The following SYNE1 variants were observed in gnomAD, a reference collection of about 807,000 sequenced individuals.
The protein encoded by SYNE1 is nesprin-1.
Under a neutral mutation model 1,111.0 loss-of-function variants are expected in SYNE1, and 616 were observed. That is an observed-to-expected ratio of 0.55 (90% CI 0.52 to 0.59). SYNE1 has a LOEUF of 0.59. SYNE1 is among the 20% of genes least tolerant of loss of function. The pLI, the probability that SYNE1 is intolerant of heterozygous loss-of-function variation, is 0.00. For synonymous variants in SYNE1, 3,855 were observed against 3,825.8 expected (o/e 1.01, Z -0.28); for missense variants, 10,006 against 10,417.0 (o/e 0.96, Z 1.72).
At chr6:152,350,511 A>T in intron 71 of SYNE1, 107 bp downstream of exon 71, 3 of 1,533,048 alleles carry the variant, frequency 2.0e-6, no homozygotes, top group Middle Eastern at 1.7e-4. Context: ...GAATAAAAAA[A>T]AATACTAACC....
intron 96 of SYNE1, among the ~76,000 whole-genome samples, chr6:152,283,050 G>A (rs562046689): frequency 6.6e-6 from 1 of 152,238 alleles, no homozygotes; most frequent in Admixed American, 6.5e-5. Context: ...ATACTGTAAA[G>A]GTCTTTAGGG....
intron 127 of SYNE1, among the ~76,000 whole-genome samples, chr6:152,197,665 T>A (rs959068369): frequency 6.6e-6 from 1 of 152,200 alleles, no homozygotes; most frequent in Non-Finnish European, 1.5e-5. Context: ...AAGCCTTTTT[T>A]TTCTGAGCAG....
intron 11 of SYNE1, among the ~76,000 whole-genome samples, chr6:152,493,521 T>C (rs1197471990): frequency 2.6e-5 from 4 of 152,258 alleles, no homozygotes; most frequent in East Asian, 3.9e-4. Flanking sequence ...TTCTCATACT[T>C]TACTTTCTTT....
At chr6:152,603,858 TATAG>T (rs1367306469) in intron 3 of SYNE1, among the ~76,000 whole-genome samples, 4 of 111,018 alleles carry the variant, frequency 3.6e-5, no homozygotes, top group Admixed American at 2.6e-4. Context: ...TATATGTATA[TATAG>T]ATAGATATAC....
intron 63 of SYNE1, among the ~76,000 whole-genome samples, chr6:152,363,458 C>T (rs1280006986): frequency 6.6e-6 from 1 of 150,802 alleles, no homozygotes; most frequent in Non-Finnish European, 1.5e-5. Flanking sequence ...CGTGCCACTG[C>T]ACTGGAGCCT....
intron 3 of SYNE1, among the ~76,000 whole-genome samples, chr6:152,615,202 C>G (rs2099642466): frequency 6.6e-6 from 1 of 152,088 alleles, no homozygotes; most frequent in African/African-American, 2.4e-5. Flanking sequence ...TTAAGTGTCA[C>G]CTAGGAAGCT....
At chr6:152,623,660 T>G (rs2099680213) in intron 3 of SYNE1, among the ~76,000 whole-genome samples, 1 of 152,024 alleles carries the variant, frequency 6.6e-6, no homozygotes, top group African/African-American at 2.4e-5. Context: ...ATAAGGAACT[T>G]AAATTTACAA....
chr6:152,402,145 C>G (rs1433624451), intron 46 of SYNE1, among the ~76,000 whole-genome samples: 1 of 152,130 alleles, frequency 6.6e-6, no homozygotes, highest in African/African-American at 2.4e-5. Flanking sequence ...GTGAGGCATT[C>G]TGACTCACTG....
At position 152,614,076 on chromosome 6, in the gene SYNE1, G is replaced by A. The variant is rs2099639357; in HGVS notation, c.67+14189C>T. On this transcript the variant is annotated intron_variant, in intron 3 of 145. Coordinates refer to ENST00000367255, the MANE Select transcript of SYNE1 (RefSeq NM_182961.4). ...AATACCATTCAGGACATAGGCATGG[G>A]CAAGGACTTCATGACTAAAACACCA... Among the ~76,000 whole-genome samples, 3 of 152,154 alleles carry A rather than the reference G, an allele frequency of 2.0e-5. No homozygotes were observed. In the South Asian group the frequency reaches 6.2e-4, roughly 32 times the overall value.
At chr6:152,298,897 C>T (rs922442008) in intron 93 of SYNE1, among the ~76,000 whole-genome samples, 4 of 152,132 alleles carry the variant, frequency 2.6e-5, no homozygotes, top group Non-Finnish European at 4.4e-5. Flanking sequence ...GTGTCTTAAT[C>T]TAAGTAAAGG....
intron 127 of SYNE1, among the ~76,000 whole-genome samples, chr6:152,190,386 C>G (rs2071894406): frequency 6.6e-6 from 1 of 152,212 alleles, no homozygotes; most frequent in South Asian, 2.1e-4. Context: ...TTCTTCCAAA[C>G]ACATGTTAAT....
At position 152,130,793 on chromosome 6, in the gene SYNE1, CA is replaced by C. The variant is rs2055358353; in HGVS notation, c.26095-16del. 1 of 1,613,958 alleles carries C rather than the reference CA, an allele frequency of 6.2e-7. No homozygotes were observed. Among genetic ancestry groups the C allele is most frequent in the Middle Eastern group, 1.6e-4 (1 of 6,062 alleles). On this transcript the variant is annotated splice_polypyrimidine_tract_variant and intron_variant, in intron 144 of 145. Coordinates refer to ENST00000367255, the MANE Select transcript of SYNE1 (RefSeq NM_182961.4). ...TTGCCTCGTGGCTGTTTGCAATGAA[CA>C]GGGGGTAAAGAAAGAAGAATGTTCA...
intron 6 of SYNE1, among the ~76,000 whole-genome samples, chr6:152,518,318 C>T (rs2099122655): frequency 6.6e-6 from 1 of 151,594 alleles, no homozygotes; most frequent in South Asian, 2.1e-4. Flanking sequence ...TGGTGGGAAG[C>T]GATTGAACAG....
At chr6:152,234,387 C>T (rs567722411) in intron 111 of SYNE1, among the ~76,000 whole-genome samples, 22 of 152,190 alleles carry the variant, frequency 1.4e-4, no homozygotes, top group East Asian at 1.2e-3. Context: ...CTCTGCCTTC[C>T]GGGTTCAAGC....
chr6:152,561,681 T>C (rs1411606128), intron 3 of SYNE1, among the ~76,000 whole-genome samples: 1 of 152,102 alleles, frequency 6.6e-6, no homozygotes, highest in Admixed American at 6.5e-5. Context: ...ATAGCTATAG[T>C]GATCAAAACT....
chr6:152,174,588 A>G (rs1055437450), intron 130 of SYNE1, among the ~76,000 whole-genome samples: 7 of 152,164 alleles, frequency 4.6e-5, no homozygotes, highest in Admixed American at 3.9e-4. Flanking sequence ...CAAAAACAGA[A>G]CTTATCTTCC....
chr6:152,453,628 C>A lies in SYNE1; in HGVS notation c.2985G>T (p.Gln995His), dbSNP rs572435543. 1.2e-6 allele frequency: 2 copies of A among 1,614,218 alleles called. No individual in the cohort carries two copies. Among genetic ancestry groups the A allele is most frequent in the Admixed American group, 3.3e-5 (2 of 60,026 alleles). Reference protein sequence around the residue: ...LTDILPEQEQQGLQEAVRKLH... With the variant: ...LTDILPEQEQHGLQEAVRKLH... ...GCTTTCGAACAGCTTCCTGCAGCCC[C>A]TGCTGCTCCTGCTCTGGAAGGATGT... The change falls in exon 25 of 146, where the codon CAG becomes CAT. Residue 995 changes from glutamine to histidine, a missense_variant. Transcript: ENST00000367255.
At chr6:152,138,237 G>A (rs1391736757) in intron 140 of SYNE1, among the ~76,000 whole-genome samples, 3 of 152,090 alleles carry the variant, frequency 2.0e-5, no homozygotes, top group East Asian at 1.9e-4. Flanking sequence ...CAGACCAGGC[G>A]CAATGGCTCA....
At chr6:152,569,795 A>G (rs1370439613) in intron 3 of SYNE1, among the ~76,000 whole-genome samples, 2 of 152,194 alleles carry the variant, frequency 1.3e-5, no homozygotes, top group Admixed American at 6.5e-5. Context: ...GCCTAAAACA[A>G]TTTGGGTATA....
Sources: allele counts gnomAD v4.1 joint callset (sites outside exome capture counted in the v4.1 genomes callset), GRCh38; gene constraint gnomAD v4.1.1; transcripts MANE v1.5; gene names NCBI Gene and HGNC (gene_info 2026-07-23, HGNC 2026-07-21).